Variants in WTIP observed in about 807,000 individuals in gnomAD.
WTIP encodes WT1 interacting protein.
Under a neutral mutation model 41.7 loss-of-function variants are expected in WTIP, and 23 were observed. The ratio of observed to expected loss-of-function variants is 0.55; its 90% CI spans 0.40 to 0.78. WTIP has a LOEUF of 0.78. WTIP is among the 30% of genes least tolerant of loss of function. The pLI is 0.00. For synonymous variants in WTIP, 314 were observed against 269.9 expected (o/e 1.16, Z -1.60); for missense variants, 619 against 610.5 (o/e 1.01, Z -0.15).
chr19:34,497,036 T>G (rs140548216), intron 7 of WTIP, among the ~76,000 whole-genome samples: 2,326 of 152,222 alleles, frequency 0.015, 62 homozygotes, highest in African/African-American at 0.054. Flanking sequence ...CTAGTTTTTG[T>G]GTTTTTAGTA....
At chr19:34,489,282 C>T (rs2075813791) in intron 1 of WTIP, among the ~76,000 whole-genome samples, 1 of 151,368 alleles carries the variant, frequency 6.6e-6, no homozygotes, top group Non-Finnish European at 1.5e-5. Context: ...CTGTTCTCTG[C>T]CACCTTCCAC....
At chr19:34,495,641 T>C in intron 6 of WTIP, 62 bp from the exon 7 acceptor site, 1 of 1,576,072 alleles carries the variant, frequency 6.3e-7, no homozygotes, top group South Asian at 1.1e-5. Flanking sequence ...GAGTGTACAC[T>C]CACGCAGTTT....
Position 34,500,507 on chromosome 19 carries a change from G to T in WTIP, c.*238G>T. ...CCCATCACCAGCTTTCCACTTGGAG[G>T]CCCCCTGTGCCCTGCAGCCTCAGGG... On this transcript the variant is annotated 3_prime_UTR_variant, in exon 8 of 8. Transcript: ENST00000590071. 1 of 538,836 alleles carries T rather than the reference G, an allele frequency of 1.9e-6. No individual in the cohort carries two copies. The highest frequency in any genetic ancestry group is 3.1e-6 in the Non-Finnish European group (1 of 319,340). 33.4% of individuals were successfully genotyped at this position (538,836 alleles called of 1,614,324 possible).
chr19:34,499,398 C>T (rs2075872435), intron 7 of WTIP, among the ~76,000 whole-genome samples: 1 of 151,826 alleles, frequency 6.6e-6, no homozygotes, highest in African/African-American at 2.4e-5. Flanking sequence ...GTCCCAGCTA[C>T]TCAGGAGGCT....
At chr19:34,496,632 C>T (rs966207916) in intron 7 of WTIP, among the ~76,000 whole-genome samples, 16 of 135,812 alleles carry the variant, frequency 1.2e-4, no homozygotes, top group East Asian at 8.6e-4. Flanking sequence ...ATGGTTAGGC[C>T]GTAGAAAGGA....
At chr19:34,498,319 C>T (rs1285512894) in intron 7 of WTIP, among the ~76,000 whole-genome samples, 2 of 152,156 alleles carry the variant, frequency 1.3e-5, no homozygotes, top group African/African-American at 2.4e-5. Context: ...TGGCATTCAT[C>T]CCTTCACCCT....
At chr19:34,494,960 T>C (rs1462003897) in intron 6 of WTIP, among the ~76,000 whole-genome samples, 1 of 152,122 alleles carries the variant, frequency 6.6e-6, no homozygotes, top group Non-Finnish European at 1.5e-5. Flanking sequence ...GGGGAGCAGA[T>C]GAGAGATGGA....
intron 6 of WTIP, 57 bp from the exon 7 acceptor site, chr19:34,495,646 C>T (rs2075849085): frequency 1.3e-6 from 2 of 1,591,914 alleles, no homozygotes; most frequent in Non-Finnish European, 1.7e-6. Flanking sequence ...TACACTCACG[C>T]AGTTTGCCTC....
In WTIP at chr19:34,495,692, T is replaced by C. The variant is rs1339198392; in HGVS notation, c.1084-11T>C. On this transcript the variant is annotated splice_polypyrimidine_tract_variant and intron_variant, in intron 6 of 7. Transcript: ENST00000590071. ...ATGCTCATCGTGTGTGAACTCCTTC[T>C]CTTCCTCCAGGGCTGCGAGACAACC... The C allele has an allele frequency of 6.2e-7, 1 of 1,613,806 alleles. No homozygotes were observed. Among genetic ancestry groups the C allele is most frequent in the African/African-American group, 1.3e-5 (1 of 75,066 alleles).
At position 34,507,821 on chromosome 19, in the gene WTIP, A is replaced by C. The variant is rs1030060689; in HGVS notation, c.*7552A>C. The stretch of plus-strand genomic sequence containing the variant: ...CCCTGCTGAAGATGATAAATGATGC[A>C]CAGATTTCAATCCATCCTACGGCTT... On this transcript the variant is annotated 3_prime_UTR_variant, in exon 8 of 8. Coordinates refer to ENST00000590071, the MANE Select transcript of WTIP (RefSeq NM_001080436.2). 1 of 152,224 alleles carries C rather than the reference A, an allele frequency of 6.6e-6. No homozygotes were observed. Among genetic ancestry groups the C allele is most frequent in the African/African-American group, 2.4e-5 (1 of 41,434 alleles). The allele number at this position is 152,224 out of a possible 1,614,324, so 9.4% of individuals were successfully genotyped here. A position where few individuals can be genotyped will look rare whatever the true frequency, so the allele number is the denominator to read the frequency against.
rs1443658839 is a variant in WTIP, at chr19:34,494,296, G to T, written c.1032-290G>T. ...GGGCCGGGCATGGTGGCTCATGCCT[G>T]TAATCCCAGCACTTTGGGAGGTCGA... On this transcript the variant is annotated intron_variant, in intron 5 of 7. Transcript: ENST00000590071. 2.0e-5 allele frequency among the ~76,000 whole-genome samples: 3 copies of T among 152,222 alleles called. No homozygotes were observed. In the East Asian group the frequency reaches 5.8e-4, roughly 30 times the overall value.
chr19:34,490,316 C>G lies in WTIP; in HGVS notation c.668-60C>G, dbSNP rs544322176. ...GTGGGCGGTGTCAAGACGGGGAGTC[C>G]GTCGGTGTGGCATAGGCTGTGGCGC... On this transcript the variant is annotated intron_variant, in intron 1 of 7. Coordinates refer to ENST00000590071, the MANE Select transcript of WTIP (RefSeq NM_001080436.2). 3.9e-6 allele frequency: 6 copies of G among 1,527,132 alleles called. No homozygotes were observed. In the South Asian group the frequency reaches 4.5e-5, roughly 11 times the overall value. 94.6% of individuals were successfully genotyped at this position (1,527,132 alleles called of 1,614,324 possible). A position where few individuals can be genotyped will look rare whatever the true frequency, so the allele number is the denominator to read the frequency against.
At chr19:34,487,393 C>T (rs909531350) in intron 1 of WTIP, among the ~76,000 whole-genome samples, 8 of 152,124 alleles carry the variant, frequency 5.3e-5, no homozygotes, top group Non-Finnish European at 8.8e-5. Context: ...TGAGCCACTG[C>T]GCCTGGCCCC....
At position 34,504,964 on chromosome 19, in the gene WTIP, G is replaced by C. The variant is rs896306827; in HGVS notation, c.*4695G>C. ...GGGCCCAGGAGAACCTTGGGGTGGGGATCAAGAACAGGTCTGGGAGAGGGG... is the reference window on the plus strand; with the variant it reads ...GGGCCCAGGAGAACCTTGGGGTGGGCATCAAGAACAGGTCTGGGAGAGGGG... On this transcript the variant is annotated 3_prime_UTR_variant, in exon 8 of 8. Coordinates refer to ENST00000590071, the MANE Select transcript of WTIP (RefSeq NM_001080436.2). The C allele has an allele frequency of 2.0e-5, 3 of 152,468 alleles. No individual in the cohort carries two copies. The highest frequency in any genetic ancestry group is 7.2e-5 in the African/African-American group (3 of 41,412). 9.4% of individuals were successfully genotyped at this position (152,468 alleles called of 1,614,324 possible).
Position 34,487,886 on chromosome 19 carries a change from T to C in WTIP, c.668-2490T>C, listed in dbSNP as rs117697095. 3.8e-3 allele frequency among the ~76,000 whole-genome samples: 576 copies of C among 152,326 alleles called. 3 individuals carry two copies. Among genetic ancestry groups the C allele is most frequent in the Non-Finnish European group, 5.3e-3 (360 of 68,020 alleles). ...CGAGATGTATGGGCTACTTGCCTAC[T>C]GTCTGGGTTTCCAGGAGGGCTGGCC... On this transcript the variant is annotated intron_variant, in intron 1 of 7. Transcript: ENST00000590071.
chr19:34,503,185 C>T lies in WTIP; in HGVS notation c.*2916C>T, dbSNP rs921778168. 6.6e-6 allele frequency: 1 copy of T among 152,304 alleles called. No homozygotes were observed. Among genetic ancestry groups the T allele is most frequent in the African/African-American group, 2.4e-5 (1 of 41,458 alleles). The allele number at this position is 152,304 out of a possible 1,614,324, so 9.4% of individuals were successfully genotyped here. A position where few individuals can be genotyped will look rare whatever the true frequency, so the allele number is the denominator to read the frequency against. ...ATAGGCCCTTGGGGCAGTGGCCTCA[C>T]CAGGCCACACTCTGCCCTTTCTTTC... On this transcript the variant is annotated 3_prime_UTR_variant, in exon 8 of 8. Transcript: ENST00000590071.
intron 7 of WTIP, among the ~76,000 whole-genome samples, chr19:34,496,855 T>G (rs2075856723): frequency 6.6e-6 from 1 of 150,832 alleles, no homozygotes; most frequent in African/African-American, 2.4e-5. Context: ...CGTGTGGCGC[T>G]CTCTTCTCTG....
Position 34,493,875 on chromosome 19 carries a change from G to A in WTIP, c.1031+253G>A, listed in dbSNP as rs868230560. ...CATGCTTCTCTACTCCTGGCACAGGGGACCCTCCTGGCTGCAGTACCCACC... is the reference window on the plus strand; with the variant it reads ...CATGCTTCTCTACTCCTGGCACAGGAGACCCTCCTGGCTGCAGTACCCACC... On this transcript the variant is annotated intron_variant, in intron 5 of 7. Transcript: ENST00000590071. The surrounding 1 kb of genome is among the most constrained non-coding windows in gnomAD (Gnocchi z 4.1). Among the ~76,000 whole-genome samples the A allele has an allele frequency of 1.4e-4, 21 of 151,896 alleles. No individual in the cohort carries two copies. Among genetic ancestry groups the A allele is most frequent in the African/African-American group, 4.1e-4 (17 of 41,340 alleles).
intron 1 of WTIP, among the ~76,000 whole-genome samples, chr19:34,486,219 CG>C (rs1381861511): frequency 4.6e-5 from 7 of 152,056 alleles, no homozygotes; most frequent in Non-Finnish European, 8.8e-5. Context: ...AGCAGAACCC[CG>C]ACTCTGAGCC....
Sources: gnomAD v4.1 joint callset for allele counts (sites outside exome capture counted in the v4.1 genomes callset) on GRCh38, gnomAD v4.1.1 for gene constraint, Gnocchi (gnomAD v3.1) non-coding constraint, MANE v1.5 for transcripts, NCBI Gene and HGNC (gene_info 2026-07-23, HGNC 2026-07-21) for gene names.